Variants in DENND1A observed in about 807,000 individuals in gnomAD.
DENND1A encodes the protein DENN domain containing 1A, also known as DENN domain-containing protein 1A.
A neutral mutation model predicts 113.7 loss-of-function variants in DENND1A; 51 were observed. That is an observed-to-expected ratio of 0.45 (90% CI 0.36 to 0.57). The LOEUF (loss-of-function observed/expected upper bound fraction) is 0.57, where lower values mean the gene tolerates loss of function less well. DENND1A is among the 20% of genes least tolerant of loss of function. The probability of loss-of-function intolerance (pLI) is 0.00; values close to 1 mark genes in which losing one functional copy is unlikely to be tolerated. For synonymous variants in DENND1A, 565 were observed against 570.8 expected (o/e 0.99, Z 0.14); for missense variants, 1,258 against 1,395.9 (o/e 0.90, Z 1.57).
Position 123,789,438 on chromosome 9 carries a change from G to T in DENND1A, c.132+3149C>A, listed in dbSNP as rs546067971. ...GAAAACATTTTAATAAAACGTGTTGGGTCTGCATTACTTCCGTGACAGAAA... is the reference window on the plus strand; with the variant it reads ...GAAAACATTTTAATAAAACGTGTTGTGTCTGCATTACTTCCGTGACAGAAA... On this transcript the variant is annotated intron_variant, in intron 3 of 23. Coordinates refer to ENST00000394215, the MANE Select transcript of DENND1A (RefSeq NM_001352964.2). Among the ~76,000 whole-genome samples, 3 of 152,140 alleles carry T rather than the reference G, an allele frequency of 2.0e-5. No homozygotes were observed. The East Asian group carries it at 5.8e-4, about 29-fold the overall frequency.
At chr9:123,625,506 G>A (rs1452855661) in intron 10 of DENND1A, among the ~76,000 whole-genome samples, 10 of 152,226 alleles carry the variant, frequency 6.6e-5, no homozygotes, top group Admixed American at 6.5e-4. Flanking sequence ...TACTTTGGGA[G>A]GCTGAGGCAG....
chr9:123,896,037 C>T (rs1389269577), intron 1 of DENND1A, among the ~76,000 whole-genome samples: 1 of 152,122 alleles, frequency 6.6e-6, no homozygotes, highest in Non-Finnish European at 1.5e-5. Context: ...CTCAACAGGC[C>T]AGGCATGGTG....
intron 6 of DENND1A, among the ~76,000 whole-genome samples, chr9:123,673,136 CATG>C (rs1417182307): frequency 2.0e-5 from 3 of 152,226 alleles, no homozygotes; most frequent in Non-Finnish European, 4.4e-5. Context: ...TCCCTTCACT[CATG>C]ATGTTTGCTT....
chr9:123,383,864 C>T lies in DENND1A; in HGVS notation c.1810G>A (p.Glu604Lys), dbSNP rs780491508. 162 of 1,613,208 alleles carry T rather than the reference C, an allele frequency of 1.0e-4. No homozygotes were observed. Among genetic ancestry groups the T allele is most frequent in the Non-Finnish European group, 1.3e-4 (152 of 1,180,024 alleles). ...LRESDSAEGDEAESPEQQVRK... is the reference protein window; with the variant it reads ...LRESDSAEGDKAESPEQQVRK... ...ACTTGCTGCTCTGGACTCTCTGCCT[C>T]GTCGCCTTCCGCGCTGTCTGACTCC... The change falls in exon 23 of 24, where the codon GAG (glutamate) becomes AAG (lysine). Residue 604 changes from glutamate to lysine, a missense_variant. Transcript: ENST00000394215.
At chr9:123,437,635 T>C (rs2046624121) in intron 19 of DENND1A, 1 of 152,172 alleles carries the variant, frequency 6.6e-6, no homozygotes, top group African/African-American at 2.4e-5. Flanking sequence ...ACATATCACA[T>C]GGCTGCAGTC....
At chr9:123,531,554 T>TACAC (rs57819030) in intron 13 of DENND1A, among the ~76,000 whole-genome samples, 12,413 of 102,684 alleles carry the variant, frequency 0.12, 647 homozygotes, top group Non-Finnish European at 0.14. Context: ...CCTCTCTCTC[T>TACAC]ACACACACAC....
At chr9:123,399,484 C>T (rs1347054567) in intron 21 of DENND1A, among the ~76,000 whole-genome samples, 1 of 152,196 alleles carries the variant, frequency 6.6e-6, no homozygotes, top group Non-Finnish European at 1.5e-5. Flanking sequence ...TCTCATGCCT[C>T]AGCCTCCCGA....
At chr9:123,622,554 C>T (rs974895369) in intron 10 of DENND1A, among the ~76,000 whole-genome samples, 13 of 152,062 alleles carry the variant, frequency 8.5e-5, no homozygotes, top group African/African-American at 2.9e-4. Flanking sequence ...AGAATTTTTT[C>T]ATAAAATCTC....
intron 22 of DENND1A, 126 bp from the exon 23 acceptor site, chr9:123,384,039 C>T: frequency 7.7e-7 from 1 of 1,291,070 alleles, no homozygotes; most frequent in Non-Finnish European, 1.1e-6. Context: ...AGGAGAGTGT[C>T]CCGGGGTCTC....
chr9:123,559,323 T>C (rs143169238), intron 12 of DENND1A, among the ~76,000 whole-genome samples: 348 of 152,250 alleles, frequency 2.3e-3, no homozygotes, highest in African/African-American at 8.1e-3. Context: ...GCAGGTAACA[T>C]ATCAAGAGCA....
At position 123,588,633 on chromosome 9, in the gene DENND1A, A is replaced by C. The variant is rs183985404; in HGVS notation, c.766-5363T>G. ...GAAACTCCATCTCAAAAAAAAAAAA[A>C]GGGGGGGGGGGAAGAGAAAAGTTTA... On this transcript the variant is annotated intron_variant, in intron 11 of 23. Transcript: ENST00000394215. 4.8e-3 allele frequency among the ~76,000 whole-genome samples: 416 copies of C among 86,398 alleles called. 4 individuals carry two copies. The highest frequency in any genetic ancestry group is 0.013 in the Middle Eastern group (2 of 152). 56.7% of individuals were successfully genotyped at this position (86,398 alleles called of 152,430 possible).
At chr9:123,503,809 G>T (rs2052690655) in intron 13 of DENND1A, among the ~76,000 whole-genome samples, 2 of 152,172 alleles carry the variant, frequency 1.3e-5, no homozygotes, top group Non-Finnish European at 2.9e-5. Flanking sequence ...CAGGTCTTCT[G>T]CCTCAGGAGG....
intron 19 of DENND1A, among the ~76,000 whole-genome samples, chr9:123,434,959 T>C (rs555924334): frequency 6.6e-6 from 1 of 151,516 alleles, no homozygotes; most frequent in Admixed American, 6.6e-5. Flanking sequence ...GTGGCAAAGG[T>C]GATGGAGAGG....
chr9:123,617,194 C>A (rs1006122511), intron 10 of DENND1A, among the ~76,000 whole-genome samples: 13 of 152,162 alleles, frequency 8.5e-5, no homozygotes, highest in Admixed American at 7.2e-4. Flanking sequence ...CCAACCCAGC[C>A]CTCTCCGATT....
At chr9:123,485,412 G>C (rs1233995011) in intron 13 of DENND1A, 4 of 152,210 alleles carry the variant, frequency 2.6e-5, no homozygotes, top group African/African-American at 9.6e-5. Flanking sequence ...TCATTAATGA[G>C]AGTAATTAGG....
At chr9:123,589,939 G>A (rs7852296) in intron 11 of DENND1A, among the ~76,000 whole-genome samples, 16,472 of 152,248 alleles carry the variant, frequency 0.11, 999 homozygotes, top group African/African-American at 0.15. Context: ...TAGGCAACTG[G>A]CTTGACTGCA....
At chr9:123,392,000 C>A (rs1427635814) in intron 21 of DENND1A, among the ~76,000 whole-genome samples, 2 of 152,170 alleles carry the variant, frequency 1.3e-5, no homozygotes, top group African/African-American at 4.8e-5. Context: ...CCGCCTCTGC[C>A]CACCTTGTCT....
intron 1 of DENND1A, among the ~76,000 whole-genome samples, chr9:123,927,938 A>C (rs1220398369): frequency 2.0e-5 from 3 of 152,246 alleles, no homozygotes; most frequent in Non-Finnish European, 2.9e-5. Context: ...CAGAAGTTGC[A>C]TAATCAACAG....
At chr9:123,920,437 C>A (rs757349005) in intron 1 of DENND1A, among the ~76,000 whole-genome samples, 52 of 151,674 alleles carry the variant, frequency 3.4e-4, no homozygotes, top group African/African-American at 9.9e-4. Flanking sequence ...CACACACACA[C>A]AAAAAAAACA....
Sources: gnomAD v4.1 joint callset for allele counts (sites outside exome capture counted in the v4.1 genomes callset) on GRCh38, gnomAD v4.1.1 for gene constraint, MANE v1.5 for transcripts, NCBI Gene and HGNC (gene_info 2026-07-23, HGNC 2026-07-21) for gene names.